Variants in SMARCA2 observed in about 807,000 individuals in gnomAD.
SMARCA2 encodes SWI/SNF related BAF chromatin remodeling complex subunit ATPase 2.
In SMARCA2, 61 loss-of-function variants were observed where a neutral mutation model predicts 199.8. That is an observed-to-expected ratio of 0.31 (90% CI 0.25 to 0.38). The LOEUF (loss-of-function observed/expected upper bound fraction) is 0.38. SMARCA2 is among the 10% of genes least tolerant of loss of function. The pLI, the probability that SMARCA2 is intolerant of heterozygous loss-of-function variation, is 1.00. For synonymous variants in SMARCA2, 935 were observed against 732.0 expected (o/e 1.28, Z -4.48); for missense variants, 1,344 against 2,012.2 (o/e 0.67, Z 6.35).
chr9:2,092,143 G>T (rs1285267742), intron 19 of SMARCA2, among the ~76,000 whole-genome samples: 1 of 152,080 alleles, frequency 6.6e-6, no homozygotes, highest in Non-Finnish European at 1.5e-5. Context: ...CACATTTAAG[G>T]TTGTCTGTGC....
intron 29 of SMARCA2, among the ~76,000 whole-genome samples, chr9:2,177,233 C>T (rs987288209): frequency 1.3e-5 from 2 of 152,220 alleles, no homozygotes; most frequent in African/African-American, 4.8e-5. Flanking sequence ...TCTTCCCAAA[C>T]GACTTTGCTA....
chr9:2,102,122 A>G (rs529317791), intron 22 of SMARCA2, among the ~76,000 whole-genome samples: 5 of 146,760 alleles, frequency 3.4e-5, no homozygotes, highest in African/African-American at 2.6e-5. Context: ...TGAACACTGC[A>G]TTAACAGAAA....
At chr9:2,097,530 A>T in intron 21 of SMARCA2, 59 bp downstream of exon 21, 1 of 1,039,426 alleles carries the variant, frequency 9.6e-7, no homozygotes. Context: ...TGCTAGTTAA[A>T]AAAAAACAAA....
At position 2,123,030 on chromosome 9, in the gene SMARCA2, G is replaced by A. The variant is rs957891460; in HGVS notation, c.3763-689G>A. ...CTTACAACTAGATCAGTTGGGATGCGATTACCTCTGAGCTCTCTCTGTCTG... is the reference window on the plus strand; with the variant it reads ...CTTACAACTAGATCAGTTGGGATGCAATTACCTCTGAGCTCTCTCTGTCTG... On this transcript the variant is annotated intron_variant, in intron 26 of 33. Coordinates refer to ENST00000349721, the MANE Select transcript of SMARCA2 (RefSeq NM_003070.5). This position sits in a 1 kb window ranked among gnomAD's most constrained non-coding sequence, Gnocchi z 4.1. Among the ~76,000 whole-genome samples the A allele has an allele frequency of 2.6e-5, 4 of 152,158 alleles. No homozygotes were observed. Among genetic ancestry groups the A allele is most frequent in the Non-Finnish European group, 5.9e-5 (4 of 68,018 alleles).
chr9:2,179,529 G>T (rs542271342), intron 29 of SMARCA2, among the ~76,000 whole-genome samples: 21 of 152,296 alleles, frequency 1.4e-4, no homozygotes, highest in African/African-American at 5.1e-4. Context: ...AGAGAACTCT[G>T]GACTTGTCTC....
At chr9:2,114,737 T>C (rs1823144577) in intron 24 of SMARCA2, among the ~76,000 whole-genome samples, 1 of 152,194 alleles carries the variant, frequency 6.6e-6, no homozygotes, top group Non-Finnish European at 1.5e-5. Flanking sequence ...TTATTATTAA[T>C]ATATGAGTAA....
chr9:2,052,433 G>A (rs1053417033), intron 5 of SMARCA2, among the ~76,000 whole-genome samples: 52 of 152,150 alleles, frequency 3.4e-4, no homozygotes, highest in Admixed American at 3.4e-3. Context: ...CAGAGATAGT[G>A]CCACTGCACT....
chr9:2,129,457 G>T (rs1823843902), intron 27 of SMARCA2, among the ~76,000 whole-genome samples: 1 of 152,132 alleles, frequency 6.6e-6, no homozygotes, highest in Non-Finnish European at 1.5e-5. Flanking sequence ...AGCACAGCAT[G>T]CAGTCTGGGA....
At chr9:2,182,507 C>CT (rs1586807640) in intron 31 of SMARCA2, among the ~76,000 whole-genome samples, 4 of 48,042 alleles carry the variant, frequency 8.3e-5, no homozygotes, top group Non-Finnish European at 2.0e-4. Flanking sequence ...TTTTTTTTTC[C>CT]TTTTTTGAGG....
intron 19 of SMARCA2, among the ~76,000 whole-genome samples, chr9:2,093,217 A>G (rs1166696402): frequency 6.6e-6 from 1 of 152,208 alleles, no homozygotes; most frequent in African/African-American, 2.4e-5. Flanking sequence ...CCAGGCATTC[A>G]GGTGGTTTAG....
chr9:2,067,272 G>A (rs902401479), intron 9 of SMARCA2, among the ~76,000 whole-genome samples: 1 of 152,196 alleles, frequency 6.6e-6, no homozygotes, highest in Non-Finnish European at 1.5e-5. Context: ...TAAGTGGAAA[G>A]CATTGTTCTT....
At chr9:2,031,872 G>A (rs988016088) in intron 2 of SMARCA2, among the ~76,000 whole-genome samples, 2 of 152,106 alleles carry the variant, frequency 1.3e-5, no homozygotes, top group African/African-American at 4.8e-5. Flanking sequence ...TTCCTCTGAG[G>A]CTTCAGCTTT....
intron 9 of SMARCA2, among the ~76,000 whole-genome samples, chr9:2,062,350 G>T (rs573827091): frequency 1.3e-5 from 2 of 152,232 alleles, no homozygotes; most frequent in African/African-American, 4.8e-5. Context: ...GTGTTCTGCA[G>T]AGGTTGTCAC....
intron 27 of SMARCA2, among the ~76,000 whole-genome samples, chr9:2,138,427 G>A (rs1824311048): frequency 6.6e-6 from 1 of 152,164 alleles, no homozygotes; most frequent in Admixed American, 6.5e-5. Context: ...AAGTATTTAA[G>A]GTCACTATGC....
At chr9:2,044,051 G>A (rs1819727424) in intron 4 of SMARCA2, 1 of 152,196 alleles carries the variant, frequency 6.6e-6, no homozygotes, top group Admixed American at 6.5e-5. Context: ...TAGTGTAGAG[G>A]AGACGATTTC....
intron 27 of SMARCA2, among the ~76,000 whole-genome samples, chr9:2,137,546 T>C (rs1464955922): frequency 6.6e-6 from 1 of 152,090 alleles, no homozygotes; most frequent in Non-Finnish European, 1.5e-5. Context: ...ATGATCTCCT[T>C]CCAGAGAGAC....
At chr9:2,191,235 C>G (rs1827857735) in intron 32 of SMARCA2, 31 bp from the exon 33 acceptor site, 2 of 1,608,752 alleles carry the variant, frequency 1.2e-6, no homozygotes, top group Non-Finnish European at 1.7e-6. Context: ...TGATTACTCA[C>G]TGGTGTCTAT....
At chr9:2,190,923 G>A (rs1229313938) in intron 32 of SMARCA2, among the ~76,000 whole-genome samples, 3 of 152,110 alleles carry the variant, frequency 2.0e-5, no homozygotes, top group Non-Finnish European at 2.9e-5. Context: ...TCTATTAAAT[G>A]ATTGCCCAAC....
chr9:2,114,310 A>G (rs1823128108), intron 24 of SMARCA2, among the ~76,000 whole-genome samples: 1 of 152,200 alleles, frequency 6.6e-6, no homozygotes, highest in African/African-American at 2.4e-5. Context: ...AACTTATTCA[A>G]ATATCTGCTG....
Sources: allele counts gnomAD v4.1 joint callset (sites outside exome capture counted in the v4.1 genomes callset), GRCh38; gene constraint gnomAD v4.1.1; non-coding constraint Gnocchi (gnomAD v3.1); transcripts MANE v1.5; gene names NCBI Gene and HGNC (gene_info 2026-07-23, HGNC 2026-07-21).